The following NUGGC variants were observed in gnomAD, a reference collection of about 807,000 sequenced individuals.
The protein encoded by NUGGC is nuclear GTPase, germinal center associated.
Under a neutral mutation model 92.6 loss-of-function variants are expected in NUGGC, and 58 were observed. The observed-to-expected ratio is 0.63, with a 90% CI of 0.51 to 0.78. The LOEUF is 0.78. Among genes scored for constraint, NUGGC ranks in the 30% least tolerant of loss-of-function variants. The pLI is 0.00. For synonymous variants in NUGGC, 376 were observed against 366.4 expected (o/e 1.03, Z -0.30); for missense variants, 925 against 964.6 (o/e 0.96, Z 0.54).
chr8:28,026,422 A>C (rs572870954), intron 18 of NUGGC, among the ~76,000 whole-genome samples: 1 of 152,346 alleles, frequency 6.6e-6, no homozygotes, highest in East Asian at 1.9e-4. Flanking sequence ...GCCTACACCA[A>C]GGTCCACAGC....
intron 9 of NUGGC, 135 bp from the exon 10 acceptor site, chr8:28,056,189 T>C (rs1174651133): frequency 5.3e-6 from 3 of 564,400 alleles, no homozygotes; most frequent in South Asian, 4.6e-5. Flanking sequence ...ATTAGAATTA[T>C]ACACAGTTGC....
At chr8:28,031,409 A>C in intron 14 of NUGGC, 28 bp from the exon 15 acceptor site, 6 of 1,609,632 alleles carry the variant, frequency 3.7e-6, no homozygotes, top group Non-Finnish European at 5.1e-6. Context: ...AAAAAAGTTT[A>C]AGAGAATGGT....
chr8:28,068,220 T>C lies in NUGGC; in HGVS notation c.476A>G (p.Asp159Gly). Residue 159 changes from aspartate to glycine, a missense_variant, in exon 5 of 19, where the codon GAC becomes GGC. Coordinates refer to ENST00000413272, the MANE Select transcript of NUGGC (RefSeq NM_001010906.2). ...QYEAKIHLLSDQEWREELKNL... is the reference protein window; with the variant it reads ...QYEAKIHLLSGQEWREELKNL... ...AGGGAGGAAGGGAACACTTACCTGGTCAGACAGAAGGTGGATTTTGGCCTC... is the reference window on the plus strand; with the variant it reads ...AGGGAGGAAGGGAACACTTACCTGGCCAGACAGAAGGTGGATTTTGGCCTC... 2 of 1,543,954 alleles carry C rather than the reference T, an allele frequency of 1.3e-6. No individual in the cohort carries two copies. Among genetic ancestry groups the C allele is most frequent in the Non-Finnish European group, 8.8e-7 (1 of 1,141,496 alleles).
At chr8:28,025,700 G>C (rs116090651) in intron 18 of NUGGC, among the ~76,000 whole-genome samples, 2,187 of 152,352 alleles carry the variant, frequency 0.014, 52 homozygotes, top group African/African-American at 0.049. Flanking sequence ...TTCCCAGAGA[G>C]ATGGAGAAGT....
chr8:28,075,399 T>C (rs1810696275), intron 1 of NUGGC, among the ~76,000 whole-genome samples: 1 of 152,060 alleles, frequency 6.6e-6, no homozygotes, highest in Non-Finnish European at 1.5e-5. Context: ...GGCTTGGACA[T>C]AGAGGGAGAA....
At chr8:28,043,019 T>C (rs1809739621) in intron 12 of NUGGC, among the ~76,000 whole-genome samples, 2 of 152,210 alleles carry the variant, frequency 1.3e-5, no homozygotes, top group Admixed American at 1.3e-4. Context: ...ACCCCGGGAA[T>C]TTCCCTCATT....
intron 1 of NUGGC, among the ~76,000 whole-genome samples, chr8:28,078,710 TGTGGCCA>T (rs1300400277): frequency 6.6e-6 from 1 of 152,190 alleles, no homozygotes; most frequent in Non-Finnish European, 1.5e-5. Context: ...AGGGCTTCCG[TGTGGCCA>T]AGAGCAGTAC....
At chr8:28,083,178 G>A (rs937912531) in intron 1 of NUGGC, among the ~76,000 whole-genome samples, 3 of 152,180 alleles carry the variant, frequency 2.0e-5, no homozygotes, top group African/African-American at 7.2e-5. Context: ...TTATAGCAGA[G>A]AAACCAGACA....
intron 13 of NUGGC, among the ~76,000 whole-genome samples, chr8:28,038,312 CT>C (rs1326203799): frequency 6.6e-6 from 1 of 152,226 alleles, no homozygotes; most frequent in East Asian, 1.9e-4. Flanking sequence ...TCTCTTAACT[CT>C]TCTGAGCAGG....
chr8:28,023,069 CAAAAAAAAA>C lies in NUGGC; in HGVS notation c.*239_*247del. 1 of 226,630 alleles carries C rather than the reference CAAAAAAAAA, an allele frequency of 4.4e-6. No homozygotes were observed. Among genetic ancestry groups the C allele is most frequent in the Non-Finnish European group, 7.8e-6 (1 of 128,744 alleles). 14.0% of individuals were successfully genotyped at this position (226,630 alleles called of 1,614,324 possible). On this transcript the variant is annotated 3_prime_UTR_variant, in exon 19 of 19. Transcript: ENST00000413272. The stretch of plus-strand genomic sequence containing the variant: ...TGGGTGACACAGCGAGACTCTGTCT[CAAAAAAAAA>C]AAAAAAAAAATTACCCAGGTGTGGT...
At chr8:28,025,922 A>G (rs1352257890) in intron 18 of NUGGC, among the ~76,000 whole-genome samples, 1 of 152,212 alleles carries the variant, frequency 6.6e-6, no homozygotes, top group Non-Finnish European at 1.5e-5. Flanking sequence ...TCCCCTCCTT[A>G]GAGGCAACGA....
chr8:28,043,311 T>C (rs1211645155), intron 12 of NUGGC, among the ~76,000 whole-genome samples: 1 of 152,228 alleles, frequency 6.6e-6, no homozygotes, highest in African/African-American at 2.4e-5. Context: ...GATGTGGTCC[T>C]CAACTTCCTA....
chr8:28,040,925 A>T (rs557575037), intron 13 of NUGGC, 126 bp downstream of exon 13: 4 of 917,648 alleles, frequency 4.4e-6, no homozygotes, highest in East Asian at 2.7e-5. Flanking sequence ...GATTACAGGC[A>T]TGAGCCGCCA....
intron 12 of NUGGC, among the ~76,000 whole-genome samples, chr8:28,045,323 A>G (rs1039227850): frequency 6.6e-6 from 1 of 152,236 alleles, no homozygotes; most frequent in African/African-American, 2.4e-5. Flanking sequence ...CATCTGTCCC[A>G]GGTAAAATAT....
chr8:28,030,275 G>A, intron 16 of NUGGC, 35 bp downstream of exon 16: 1 of 1,155,962 alleles, frequency 8.7e-7, no homozygotes, highest in Non-Finnish European at 1.3e-6. Context: ...GAAAGTCCCA[G>A]AGCAGGCAGA....
chr8:28,024,199 T>C (rs557278578), intron 18 of NUGGC, among the ~76,000 whole-genome samples: 1,756 of 149,042 alleles, frequency 0.012, 15 homozygotes, highest in Non-Finnish European at 0.014. Context: ...TTCTTTCTTT[T>C]TTTTTTTTTT....
chr8:28,067,570 C>A lies in NUGGC; in HGVS notation c.655G>T (p.Ala219Ser), dbSNP rs781458528. 5.0e-6 allele frequency: 8 copies of A among 1,613,480 alleles called. No individual in the cohort carries two copies. The highest frequency in any genetic ancestry group is 6.8e-6 in the Non-Finnish European group (8 of 1,179,686). ...GTGGGGATCTTCCTTTTGGGCTTCG[C>A]CCTCAGTAACTCCTCATAGTTCTTA... Reference protein sequence around the residue: ...ESKNYEELLRAKPKRKIPTSR... With the variant: ...ESKNYEELLRSKPKRKIPTSR... The change falls in exon 6 of 19, where the codon GCG becomes TCG. Residue 219 changes from alanine to serine, a missense_variant. Physicochemically the swap from Ala to Ser is moderately conservative, Grantham distance 99. Coordinates refer to ENST00000413272, the MANE Select transcript of NUGGC (RefSeq NM_001010906.2).
chr8:28,077,979 C>G (rs1810763849), intron 1 of NUGGC, among the ~76,000 whole-genome samples: 1 of 152,176 alleles, frequency 6.6e-6, no homozygotes, highest in Non-Finnish European at 1.5e-5. Context: ...GTAGTTTTGG[C>G]TTCTTTCAGA....
chr8:28,077,561 T>C (rs144832019), intron 1 of NUGGC, among the ~76,000 whole-genome samples: 1 of 151,626 alleles, frequency 6.6e-6, no homozygotes, highest in Non-Finnish European at 1.5e-5. Flanking sequence ...CAAGACCCTG[T>C]CTCAAAGAAA....
Sources: allele counts gnomAD v4.1 joint callset (sites outside exome capture counted in the v4.1 genomes callset), GRCh38; gene constraint gnomAD v4.1.1; transcripts MANE v1.5; gene names NCBI Gene and HGNC (gene_info 2026-07-23, HGNC 2026-07-21).